Variants in TMEM132D observed in about 807,000 individuals in gnomAD.
TMEM132D encodes the protein transmembrane protein 132D, also known as mature OL transmembrane protein.
A neutral mutation model predicts 62.3 loss-of-function variants in TMEM132D; 21 were observed. That is an observed-to-expected ratio of 0.34 (90% CI 0.24 to 0.49). The LOEUF is 0.49. Ranked by LOEUF, TMEM132D falls within the 20% of genes least tolerant of loss-of-function variation. TMEM132D has a pLI of 0.99. For synonymous variants in TMEM132D, 621 were observed against 575.6 expected (o/e 1.08, Z -1.13); for missense variants, 1,346 against 1,402.8 (o/e 0.96, Z 0.65).
intron 1 of TMEM132D, among the ~76,000 whole-genome samples, chr12:129,770,572 A>C (rs1165851553): frequency 6.6e-6 from 1 of 152,196 alleles, no homozygotes; most frequent in African/African-American, 2.4e-5. Flanking sequence ...GGAAATACAG[A>C]TGCCACTCGA....
intron 4 of TMEM132D, among the ~76,000 whole-genome samples, chr12:129,266,894 C>A (rs1391560830): frequency 6.6e-6 from 1 of 152,124 alleles, no homozygotes; most frequent in Non-Finnish European, 1.5e-5. Context: ...CCAAACAGAG[C>A]TCTACCTCCT....
At chr12:129,284,353 T>C (rs7958970) in intron 4 of TMEM132D, among the ~76,000 whole-genome samples, 9,994 of 152,284 alleles carry the variant, frequency 0.066, 609 homozygotes, top group East Asian at 0.2. Flanking sequence ...CTCAGTCAAC[T>C]TACAGAATCA....
chr12:129,314,506 T>G (rs1446911943), intron 4 of TMEM132D, among the ~76,000 whole-genome samples: 1 of 152,244 alleles, frequency 6.6e-6, no homozygotes, highest in East Asian at 1.9e-4. Flanking sequence ...CATGCTGTTT[T>G]GGTGACTATG....
chr12:129,430,483 T>G (rs1872624336), intron 3 of TMEM132D, among the ~76,000 whole-genome samples: 1 of 152,160 alleles, frequency 6.6e-6, no homozygotes, highest in South Asian at 2.1e-4. Context: ...TAGCCCTTTG[T>G]TTTTCTTATT....
intron 3 of TMEM132D, among the ~76,000 whole-genome samples, chr12:129,416,074 T>A (rs950457252): frequency 1.3e-5 from 2 of 152,188 alleles, no homozygotes; most frequent in Non-Finnish European, 2.9e-5. Context: ...TTAAAGTACA[T>A]TTTTCTAATT....
At chr12:129,314,970 C>A (rs61247514) in intron 4 of TMEM132D, among the ~76,000 whole-genome samples, 3 of 152,070 alleles carry the variant, frequency 2.0e-5, no homozygotes. Flanking sequence ...TATAGAAGAG[C>A]TTCTGATGTG....
chr12:129,774,358 G>T (rs1394900350), intron 1 of TMEM132D, among the ~76,000 whole-genome samples: 1 of 152,136 alleles, frequency 6.6e-6, no homozygotes, highest in Non-Finnish European at 1.5e-5. Flanking sequence ...AAGGTGACCT[G>T]CCCTGGGTCC....
intron 4 of TMEM132D, among the ~76,000 whole-genome samples, chr12:129,223,973 G>A (rs1490605234): frequency 1.3e-5 from 2 of 152,136 alleles, no homozygotes; most frequent in African/African-American, 4.8e-5. Context: ...TGCCTTATAA[G>A]TTGTGCATTG....
rs1398506689 is a variant in TMEM132D at position 129,713,395 on chromosome 12, G to GT, written c.80-12698dup. Among the ~76,000 whole-genome samples the GT allele has an allele frequency of 2.1e-5, 3 of 142,670 alleles. No homozygotes were observed. The East Asian group carries it at 5.9e-4, about 28-fold the overall frequency. 93.6% of individuals were successfully genotyped at this position (142,670 alleles called of 152,430 possible). The stretch of plus-strand genomic sequence containing the variant: ...AGGTCTCTCTGATCTCAGATTTTTG[G>GT]TTTTTTGTTGTTTTTTTTTTTAATA... On this transcript the variant is annotated intron_variant, in intron 1 of 8. Transcript: ENST00000422113.
chr12:129,208,053 G>A (rs374060330), intron 5 of TMEM132D, among the ~76,000 whole-genome samples: 9 of 152,126 alleles, frequency 5.9e-5, no homozygotes, highest in South Asian at 2.1e-4. Context: ...CTGAGGGGCC[G>A]AGCAGAGGAG....
chr12:129,744,773 T>C (rs1409881538), intron 1 of TMEM132D, among the ~76,000 whole-genome samples: 4 of 152,156 alleles, frequency 2.6e-5, no homozygotes, highest in African/African-American at 9.7e-5. Context: ...CAACTGGAGA[T>C]TCATAAAGTC....
At chr12:129,588,016 T>C (rs1410573061) in intron 2 of TMEM132D, among the ~76,000 whole-genome samples, 2 of 152,210 alleles carry the variant, frequency 1.3e-5, no homozygotes, top group South Asian at 2.1e-4. Flanking sequence ...TCACCCTTCA[T>C]GGCTTCTGAT....
At chr12:129,099,860 C>G (rs1472444109) in intron 5 of TMEM132D, among the ~76,000 whole-genome samples, 1 of 140,084 alleles carries the variant, frequency 7.1e-6, no homozygotes, top group Non-Finnish European at 1.5e-5. Flanking sequence ...GAGTCTCGCT[C>G]TGTCGCCCAG....
intron 1 of TMEM132D, among the ~76,000 whole-genome samples, chr12:129,861,778 T>C (rs1469288504): frequency 2.0e-5 from 3 of 147,084 alleles, no homozygotes; most frequent in Admixed American, 6.7e-5. Flanking sequence ...AAAAAAGGAT[T>C]ACCAGCCATT....
At chr12:129,335,967 T>A (rs1324752865) in intron 4 of TMEM132D, among the ~76,000 whole-genome samples, 1 of 152,286 alleles carries the variant, frequency 6.6e-6, no homozygotes, top group Non-Finnish European at 1.5e-5. Context: ...ATGGCTGGCA[T>A]CCCAGCAGCT....
chr12:129,621,964 C>G (rs985008848), intron 2 of TMEM132D, among the ~76,000 whole-genome samples: 1 of 152,124 alleles, frequency 6.6e-6, no homozygotes, highest in Non-Finnish European at 1.5e-5. Flanking sequence ...CTCTCCCTAG[C>G]GCCCATTTGA....
chr12:129,328,668 A>G (rs1593338984), intron 4 of TMEM132D, among the ~76,000 whole-genome samples: 1 of 152,314 alleles, frequency 6.6e-6, no homozygotes, highest in South Asian at 2.1e-4. Context: ...TATTTCAATA[A>G]GACTTCTCAA....
intron 4 of TMEM132D, among the ~76,000 whole-genome samples, chr12:129,270,481 C>T (rs560933009): frequency 6.6e-6 from 1 of 152,262 alleles, no homozygotes; most frequent in Admixed American, 6.5e-5. Flanking sequence ...CACATATTTC[C>T]CCTGAAAACA....
At chr12:129,656,860 A>T (rs1303119503) in intron 2 of TMEM132D, among the ~76,000 whole-genome samples, 1 of 152,142 alleles carries the variant, frequency 6.6e-6, no homozygotes, top group Non-Finnish European at 1.5e-5. Context: ...ATCTGATGTT[A>T]CCTAGCTCAG....
Sources: gnomAD v4.1 joint callset for allele counts (sites outside exome capture counted in the v4.1 genomes callset) on GRCh38, gnomAD v4.1.1 for gene constraint, MANE v1.5 for transcripts, NCBI Gene and HGNC (gene_info 2026-07-23, HGNC 2026-07-21) for gene names.